CFAP299: variants seen among roughly 807,000 people sequenced by gnomAD.
CFAP299 encodes the protein cilia- and flagella-associated protein 299.
Under a neutral mutation model 27.0 loss-of-function variants are expected in CFAP299, and 21 were observed. The observed-to-expected ratio is 0.78, with a 90% CI of 0.55 to 1.12. The LOEUF (loss-of-function observed/expected upper bound fraction) is 1.12. Among genes scored for constraint, CFAP299 ranks in the 50% most tolerant of loss-of-function variants. CFAP299 has a pLI of 0.00. For missense variants in CFAP299, 310 were observed against 276.6 expected, an observed-to-expected ratio of 1.12 and a Z score of -0.86; for synonymous variants, 104 against 98.1, an observed-to-expected ratio of 1.06 and a Z score of -0.36.
intron 2 of CFAP299, among the ~76,000 whole-genome samples, chr4:80,541,317 T>G: frequency 6.6e-6 from 1 of 152,196 alleles, no homozygotes; most frequent in East Asian, 1.9e-4. Context: ...TTCATTGTGG[T>G]TAGTAATTCC....
chr4:80,749,457 T>C (rs903732482), intron 3 of CFAP299, among the ~76,000 whole-genome samples: 14 of 152,150 alleles, frequency 9.2e-5, no homozygotes, highest in Admixed American at 5.2e-4. Context: ...GGAAGTTTAT[T>C]TAGGAAAATT....
chr4:80,466,291 A>T (rs1031099127), intron 2 of CFAP299, among the ~76,000 whole-genome samples: 3 of 152,178 alleles, frequency 2.0e-5, no homozygotes, highest in African/African-American at 7.2e-5. Context: ...ACCTTTTTAT[A>T]AAAAGGAAAT....
intron 2 of CFAP299, among the ~76,000 whole-genome samples, chr4:80,566,888 G>A (rs941334065): frequency 3.9e-5 from 6 of 152,002 alleles, no homozygotes; most frequent in African/African-American, 1.4e-4. Context: ...TTTATCCCCT[G>A]AAAGTGTGAG....
chr4:80,495,468 C>T (rs535138118), intron 2 of CFAP299, among the ~76,000 whole-genome samples: 1 of 152,110 alleles, frequency 6.6e-6, no homozygotes, highest in Admixed American at 6.5e-5. Flanking sequence ...TTTAAATTTT[C>T]TACTTAATTT....
chr4:80,796,559 C>T (rs563225592), intron 3 of CFAP299, among the ~76,000 whole-genome samples: 2 of 152,218 alleles, frequency 1.3e-5, no homozygotes, highest in South Asian at 2.1e-4. Flanking sequence ...TTCTGGTGGG[C>T]CTTATGGACA....
At chr4:80,900,605 G>T (rs78758982) in intron 4 of CFAP299, among the ~76,000 whole-genome samples, 10,157 of 151,974 alleles carry the variant, frequency 0.067, 719 homozygotes, top group African/African-American at 0.16. Flanking sequence ...AATTAAGAAG[G>T]GGTTGCTTCT....
the CFAP299 span, among the ~76,000 whole-genome samples, chr4:80,328,335 T>C: frequency 2.4e-3 from 370 of 152,166 alleles, 3 homozygotes; most frequent in African/African-American, 8.6e-3. Flanking sequence ...TGGACAAAGC[T>C]AGGGAGAATG....
intron 4 of CFAP299, among the ~76,000 whole-genome samples, chr4:80,925,982 A>G (rs1362030946): frequency 6.6e-6 from 1 of 152,054 alleles, no homozygotes; most frequent in African/African-American, 2.4e-5. Flanking sequence ...TAGATTATCC[A>G]TTTGTTCCAG....
chr4:80,776,366 G>T (rs1018791319), intron 3 of CFAP299, among the ~76,000 whole-genome samples: 3 of 152,100 alleles, frequency 2.0e-5, no homozygotes, highest in African/African-American at 7.2e-5. Context: ...TTAACTTGGG[G>T]TCACGAACTC....
intron 2 of CFAP299, among the ~76,000 whole-genome samples, chr4:80,421,444 A>ATTTACTTTAC (rs1727281076): frequency 6.6e-6 from 1 of 152,212 alleles, no homozygotes; most frequent in African/African-American, 2.4e-5. Context: ...AAGCCAATAG[A>ATTTACTTTAC]TTTACTTTAC....
At chr4:80,461,870 G>T (rs957408553) in intron 2 of CFAP299, among the ~76,000 whole-genome samples, 1 of 152,038 alleles carries the variant, frequency 6.6e-6, no homozygotes, top group East Asian at 1.9e-4. Context: ...AATTAGAAAA[G>T]ACCTTGAAGT....
Position 80,562,475 on chromosome 4 carries a change from G to A in CFAP299, c.243-20618G>A, listed in dbSNP as rs140296496. On this transcript the variant is annotated intron_variant, in intron 2 of 5. Transcript: ENST00000358105. The stretch of plus-strand genomic sequence containing the variant: ...TAGCTGGGTGTAGTGGCGGGTGCCC[G>A]TAATCCCAGCTACAAAGATTAGAGC... 6.4e-3 allele frequency among the ~76,000 whole-genome samples: 957 copies of A among 150,664 alleles called. 14 individuals carry two copies. Among genetic ancestry groups the A allele is most frequent in the African/African-American group, 0.022 (914 of 40,990 alleles).
chr4:80,812,976 T>C (rs771426444), intron 3 of CFAP299, among the ~76,000 whole-genome samples: 7 of 152,104 alleles, frequency 4.6e-5, no homozygotes, highest in Admixed American at 3.3e-4. Flanking sequence ...TATTTTTTCA[T>C]TACAGCATTC....
At chr4:80,409,808 A>G (rs1435160592) in intron 2 of CFAP299, among the ~76,000 whole-genome samples, 1 of 152,210 alleles carries the variant, frequency 6.6e-6, no homozygotes, top group Non-Finnish European at 1.5e-5. Flanking sequence ...ACGTAGAAAG[A>G]GCACTATATT....
At position 80,710,503 on chromosome 4, in the gene CFAP299, A is replaced by ATT. The variant is rs1722091593; in HGVS notation, c.333+127320_333+127321insTT. 2.8e-5 allele frequency among the ~76,000 whole-genome samples: 4 copies of ATT among 145,220 alleles called. No homozygotes were observed. The East Asian group carries it at 6.6e-4, about 24-fold the overall frequency. On this transcript the variant is annotated intron_variant, in intron 3 of 5. Coordinates refer to ENST00000358105, the MANE Select transcript of CFAP299 (RefSeq NM_152770.3). ...TTTTTCTTTTTTTTTTTTTTTTTAA[A>ATT]AAAAAAAAGGTAAGTTGGAATATCA...
chr4:80,415,694 G>T (rs1194796082), intron 2 of CFAP299, among the ~76,000 whole-genome samples: 2 of 152,010 alleles, frequency 1.3e-5, no homozygotes, highest in African/African-American at 4.8e-5. Context: ...CTCAGAAATA[G>T]ATATTTATGA....
At chr4:80,857,582 C>G (rs145975822) in intron 3 of CFAP299, among the ~76,000 whole-genome samples, 8,241 of 152,228 alleles carry the variant, frequency 0.054, 437 homozygotes, top group African/African-American at 0.13. Context: ...TACATCCCAT[C>G]AATACCTAAT....
intron 2 of CFAP299, among the ~76,000 whole-genome samples, chr4:80,453,441 A>G (rs913758395): frequency 5.3e-5 from 8 of 152,104 alleles, no homozygotes; most frequent in Admixed American, 5.2e-4. Flanking sequence ...TATAACCCCT[A>G]ATTTAATTAG....
At chr4:80,604,769 A>C (rs1219806283) in intron 3 of CFAP299, among the ~76,000 whole-genome samples, 1 of 152,200 alleles carries the variant, frequency 6.6e-6, no homozygotes, top group Non-Finnish European at 1.5e-5. Context: ...CAGGGACAAC[A>C]ATCAAAAAAC....
Sources: gnomAD v4.1 joint callset for allele counts (sites outside exome capture counted in the v4.1 genomes callset) on GRCh38, gnomAD v4.1.1 for gene constraint, MANE v1.5 for transcripts, NCBI Gene and HGNC (gene_info 2026-07-23, HGNC 2026-07-21) for gene names.